MATK: variants seen among roughly 807,000 people sequenced by gnomAD.
MATK encodes megakaryocyte-associated tyrosine-protein kinase.
In MATK, 41 loss-of-function variants were observed where a neutral mutation model predicts 59.8. The ratio of observed to expected loss-of-function variants is 0.69; its 90% CI spans 0.53 to 0.89. The LOEUF (loss-of-function observed/expected upper bound fraction) is 0.89, where lower values mean the gene tolerates loss of function less well. Ranked by LOEUF, MATK falls within the 40% of genes least tolerant of loss-of-function variation. MATK has a pLI of 0.00. For missense variants in MATK, 593 were observed against 719.6 expected (o/e 0.82, Z 2.01); for synonymous variants, 308 against 306.1 (o/e 1.01, Z -0.06).
chr19:3,790,132 C>T (rs1295462286), upstream of MATK, among the ~76,000 whole-genome samples: 1 of 152,192 alleles, frequency 6.6e-6, no homozygotes. Context: ...GAACTCCTGA[C>T]CTCCTGACCA....
chr19:3,783,286 C>A, intron 6 of MATK, 67 bp from the exon 7 acceptor site: 1 of 514,136 alleles, frequency 1.9e-6, no homozygotes, highest in Non-Finnish European at 3.8e-6. Flanking sequence ...CTGTTCCGTT[C>A]CCGGGTGGCC....
rs777127959 is a variant in MATK, at chr19:3,779,687, C to G, written c.842+11G>C. On this transcript the variant is annotated intron_variant, in intron 9 of 13. Coordinates refer to ENST00000310132, the MANE Select transcript of MATK (RefSeq NM_139355.3). ...CCGTCCCACGGTCCCCAGCCCCACC[C>G]TGGGACTCACGTCATGACGGCCGTC... 1 of 1,612,646 alleles carries G rather than the reference C, an allele frequency of 6.2e-7. No individual in the cohort carries two copies. Among genetic ancestry groups the G allele is most frequent in the South Asian group, 1.1e-5 (1 of 91,076 alleles).
intron 2 of MATK, 77 bp downstream of exon 2, chr19:3,784,985 CAG>C (rs1055325313): frequency 2.0e-6 from 3 of 1,492,284 alleles, no homozygotes; most frequent in African/African-American, 1.4e-5. Context: ...GCTGGGCAGG[CAG>C]AGAGAGCCTC....
upstream of MATK, among the ~76,000 whole-genome samples, chr19:3,786,698 C>T (rs143726314): frequency 5.7e-4 from 86 of 152,178 alleles, no homozygotes; most frequent in East Asian, 4.5e-3. The surrounding 1 kb of genome is among the most constrained non-coding windows in gnomAD (Gnocchi z 4.1). Flanking sequence ...CCAACTCCCT[C>T]AGTGTCGCCC....
chr19:3,788,699 G>A (rs1040617780), upstream of MATK, among the ~76,000 whole-genome samples: 1 of 150,136 alleles, frequency 6.7e-6, no homozygotes, highest in African/African-American at 2.4e-5. Context: ...GCACTCAAAC[G>A]ATCCTCCAAC....
upstream of MATK, among the ~76,000 whole-genome samples, chr19:3,790,856 CTT>C (rs2037534359): frequency 6.6e-6 from 1 of 152,124 alleles, no homozygotes; most frequent in Admixed American, 6.6e-5. Context: ...CACTAGCTCT[CTT>C]GTCTCACTGT....
At chr19:3,784,985 CAGAG>C (rs1055325313) in intron 2 of MATK, 75 bp downstream of exon 2, 2 of 1,492,166 alleles carry the variant, frequency 1.3e-6, no homozygotes, top group Non-Finnish European at 1.9e-6. Flanking sequence ...GCTGGGCAGG[CAGAG>C]AGAGCCTCCC....
At chr19:3,782,437 G>A (rs898447417) in intron 7 of MATK, among the ~76,000 whole-genome samples, 1 of 152,218 alleles carries the variant, frequency 6.6e-6, no homozygotes, top group African/African-American at 2.4e-5. Context: ...GGTCAGAGGA[G>A]GCATTTGCTT....
chr19:3,795,276 C>CTTTTT (rs35580481), intron 1 of MATK, among the ~76,000 whole-genome samples: 1 of 127,920 alleles, frequency 7.8e-6, no homozygotes, highest in Non-Finnish European at 1.6e-5. Context: ...CAAGCCTGGC[C>CTTTTT]TTTTTTTTTT....
chr19:3,778,626 A>AC, intron 12 of MATK, 31 bp from the exon 13 acceptor site: 1 of 1,582,298 alleles, frequency 6.3e-7, no homozygotes, highest in Non-Finnish European at 8.6e-7. Context: ...GTGAGGAGGG[A>AC]CCCCTCAGGT....
intron 1 of MATK, among the ~76,000 whole-genome samples, chr19:3,794,290 G>A (rs1363772159): frequency 6.6e-6 from 1 of 152,120 alleles, no homozygotes; most frequent in Non-Finnish European, 1.5e-5. Flanking sequence ...CCAGCCCTGG[G>A]CCCGGCAACC....
rs1435466957 is a variant in MATK, at chr19:3,778,989, C to T, written c.1197+3G>A. 5 of 1,548,994 alleles carry T rather than the reference C, an allele frequency of 3.2e-6. No individual in the cohort carries two copies. Among genetic ancestry groups the T allele is most frequent in the African/African-American group, 2.7e-5 (2 of 73,248 alleles). The stretch of plus-strand genomic sequence containing the variant: ...CCCAGGGGTATGTGAAGGCAGGGCT[C>T]ACCCCGTGTTTGAGAGCCTCGGGCG... On this transcript the variant is annotated splice_donor_region_variant and intron_variant, in intron 12 of 13. Coordinates refer to ENST00000310132, the MANE Select transcript of MATK (RefSeq NM_139355.3).
chr19:3,782,136 C>T (rs1461426869), intron 7 of MATK, among the ~76,000 whole-genome samples: 1 of 152,192 alleles, frequency 6.6e-6, no homozygotes, highest in African/African-American at 2.4e-5. Flanking sequence ...TCTGACCACC[C>T]CAGAAACACA....
upstream of MATK, among the ~76,000 whole-genome samples, chr19:3,788,260 G>T (rs915809161): frequency 1.3e-5 from 2 of 151,402 alleles, no homozygotes; most frequent in Non-Finnish European, 2.9e-5. Flanking sequence ...AGGCCAAGGC[G>T]GGCAGATCAC....
At chr19:3,788,225 A>G (rs1203169788), upstream of MATK, among the ~76,000 whole-genome samples, 5 of 151,758 alleles carry the variant, frequency 3.3e-5, no homozygotes, top group African/African-American at 1.2e-4. Flanking sequence ...CCAGTGGCTC[A>G]CGCCTGTAAT....
upstream of MATK, among the ~76,000 whole-genome samples, chr19:3,788,288 A>T (rs1384513758): frequency 6.6e-6 from 1 of 151,572 alleles, no homozygotes; most frequent in Non-Finnish European, 1.5e-5. Flanking sequence ...CAGGAGTTCT[A>T]GACCAGCCTA....
At chr19:3,786,435 G>T, upstream of MATK, 2 of 975,558 alleles carry the variant, frequency 2.1e-6, no homozygotes, top group Non-Finnish European at 2.4e-6. The surrounding 1 kb of genome is among the most constrained non-coding windows in gnomAD (Gnocchi z 4.1). Flanking sequence ...CCCCGCCTCC[G>T]CGGCCCCCGG....
At position 3,786,376 on chromosome 19, in the gene MATK, C is replaced by T; in HGVS notation, c.-359G>A. 3 of 982,556 alleles carry T rather than the reference C, an allele frequency of 3.1e-6. No individual in the cohort carries two copies. The highest frequency in any genetic ancestry group is 3.6e-6 in the Non-Finnish European group (3 of 828,756). The allele number at this position is 982,556 out of a possible 1,614,324, so 60.9% of individuals were successfully genotyped here. A position where few individuals can be genotyped will look rare whatever the true frequency, so the allele number is the denominator to read the frequency against. The stretch of plus-strand genomic sequence containing the variant: ...GGCCCCCGCGGGTCCTAGCGCCGGC[C>T]GCACTGCGGTCTCCTCCGCGCGCCG... On this transcript the variant is annotated 5_prime_UTR_variant, in exon 1 of 14. Coordinates refer to ENST00000310132, the MANE Select transcript of MATK (RefSeq NM_139355.3). This position sits in a 1 kb window ranked among gnomAD's most constrained non-coding sequence, Gnocchi z 4.1.
upstream of MATK, among the ~76,000 whole-genome samples, chr19:3,788,085 A>AT (rs2037505241): frequency 7.1e-6 from 1 of 140,624 alleles, no homozygotes; most frequent in African/African-American, 2.6e-5. Flanking sequence ...TATATATATT[A>AT]TATTATTAAT....
Sources: gnomAD v4.1 joint callset for allele counts (sites outside exome capture counted in the v4.1 genomes callset) on GRCh38, gnomAD v4.1.1 for gene constraint, Gnocchi (gnomAD v3.1) non-coding constraint, MANE v1.5 for transcripts, NCBI Gene and HGNC (gene_info 2026-07-23, HGNC 2026-07-21) for gene names.